The following TEX11 variants were observed in gnomAD, a reference collection of about 807,000 sequenced individuals.
The protein encoded by TEX11 is testis expressed 11, also known as testis-expressed protein 11.
TEX11 carries 7 observed loss-of-function variants against 84.4 expected under a neutral mutation model. The ratio of observed to expected loss-of-function variants is 0.08; its 90% CI spans 0.05 to 0.16. TEX11 has a LOEUF of 0.16. Ranked by LOEUF, TEX11 falls within the 10% of genes least tolerant of loss-of-function variation. The pLI is 1.00. For synonymous variants in TEX11, 264 were observed against 222.8 expected (o/e 1.18, Z -1.64); for missense variants, 551 against 660.5 (o/e 0.83, Z 1.82).
chrX:70,593,091 A>ACACACG lies in TEX11; in HGVS notation c.2068-1274_2068-1269dup, dbSNP rs1389586508. Among the ~76,000 whole-genome samples, 7 of 104,263 alleles carry ACACACG rather than the reference A, an allele frequency of 6.7e-5. No homozygotes were observed. In the East Asian group the frequency reaches 9.2e-4, roughly 14 times the overall value. 90.5% of individuals were successfully genotyped at this position (104,263 alleles called of 115,157 possible). The stretch of plus-strand genomic sequence containing the variant: ...CACACACACACACACACACACACAC[A>ACACACG]CACACGCACACGCACACACACAGTA... On this transcript the variant is annotated intron_variant, in intron 24 of 29. Transcript: ENST00000374333.
At chrX:70,674,636 CT>C (rs2090053993) in intron 15 of TEX11, among the ~76,000 whole-genome samples, 1 of 111,529 alleles carries the variant, frequency 9.0e-6, no homozygotes, top group Non-Finnish European at 1.9e-5. Context: ...TTAGAACAAT[CT>C]TGTCTCTCTA....
intron 25 of TEX11, among the ~76,000 whole-genome samples, chrX:70,586,244 C>T (rs1468612305): frequency 3.6e-5 from 4 of 112,130 alleles, no homozygotes; most frequent in Non-Finnish European, 7.5e-5. Flanking sequence ...AGGAATAAAT[C>T]TTCATGACTT....
chrX:70,683,951 T>C (rs929592087), intron 13 of TEX11, among the ~76,000 whole-genome samples: 6 of 112,080 alleles, frequency 5.4e-5, no homozygotes, highest in Admixed American at 9.4e-5. Flanking sequence ...CAGCAAATGG[T>C]GATAGGACAG....
intron 13 of TEX11, among the ~76,000 whole-genome samples, chrX:70,690,586 G>A (rs2090225965): frequency 9.0e-6 from 1 of 110,711 alleles, no homozygotes; most frequent in African/African-American, 3.3e-5. Context: ...TGTGCCTAGG[G>A]TCCTGGCTAC....
At chrX:70,740,669 T>G (rs1452832325) in intron 11 of TEX11, 32 bp downstream of exon 11, 2 of 1,012,860 alleles carry the variant, frequency 2.0e-6, no homozygotes, top group African/African-American at 3.8e-5. Flanking sequence ...AAAAATACAT[T>G]AAGTTAGTAT....
intron 2 of TEX11, among the ~76,000 whole-genome samples, chrX:70,885,507 C>T (rs187446487): frequency 2.7e-5 from 3 of 111,433 alleles, no homozygotes; most frequent in Non-Finnish European, 5.7e-5. Flanking sequence ...GAAAAAATCT[C>T]AACATCACTA....
intron 2 of TEX11, among the ~76,000 whole-genome samples, chrX:70,901,323 C>A (rs5980731): frequency 9.0e-6 from 1 of 110,776 alleles, no homozygotes; most frequent in African/African-American, 3.3e-5. Flanking sequence ...AGAGAAAAAT[C>A]ATCAGTCCTA....
intron 9 of TEX11, among the ~76,000 whole-genome samples, chrX:70,784,724 C>A (rs1270804230): frequency 1.8e-5 from 2 of 111,585 alleles, no homozygotes; most frequent in Admixed American, 9.6e-5. Context: ...CTCCCATTCA[C>A]AATTGCTGCA....
chrX:70,775,798 T>G (rs868580503), intron 9 of TEX11, among the ~76,000 whole-genome samples: 4 of 10,329 alleles, frequency 3.9e-4, no homozygotes, highest in African/African-American at 1.4e-3. Flanking sequence ...AGACTCCGTC[T>G]CAAAAAAAAA....
intron 9 of TEX11, among the ~76,000 whole-genome samples, chrX:70,803,992 G>GTT (rs111405891): frequency 2.9e-5 from 3 of 104,336 alleles, no homozygotes; most frequent in Non-Finnish European, 4.0e-5. Flanking sequence ...AAAAAACAAT[G>GTT]TTTTTTTTTT....
intron 23 of TEX11, among the ~76,000 whole-genome samples, 178 bp downstream of exon 23, chrX:70,606,781 A>T (rs2089199665): frequency 9.0e-6 from 1 of 111,599 alleles, no homozygotes; most frequent in Admixed American, 9.6e-5. Context: ...TATGCCCCAC[A>T]TTCTTATGTT....
At chrX:70,653,729 A>T (rs1225368555) in intron 16 of TEX11, among the ~76,000 whole-genome samples, 1 of 111,808 alleles carries the variant, frequency 8.9e-6, no homozygotes, top group African/African-American at 3.3e-5. Context: ...TCTACACAAA[A>T]ATCTACATAA....
In TEX11 at chrX:70,650,720, G is replaced by A. The variant is rs1256487745; in HGVS notation, c.1483+730C>T. Among the ~76,000 whole-genome samples the A allele has an allele frequency of 3.6e-5, 4 of 111,709 alleles. No individual in the cohort carries two copies. In the East Asian group the frequency reaches 8.4e-4, roughly 23 times the overall value. On this transcript the variant is annotated intron_variant, in intron 17 of 29. Transcript: ENST00000374333. ...CAAAAACAGTTGCTTAATTGGATTC[G>A]TATACATTTTGTTTGGATCCATTAA... is the stretch of plus-strand genomic sequence containing the variant.
intron 9 of TEX11, among the ~76,000 whole-genome samples, chrX:70,750,933 A>AAAAAAAATATAT (rs1390175136): frequency 7.1e-5 from 2 of 28,198 alleles, no homozygotes; most frequent in African/African-American, 1.2e-4. Context: ...AAAAAAAAAA[A>AAAAAAAATATAT]ATATATATAT....
intron 9 of TEX11, among the ~76,000 whole-genome samples, chrX:70,792,361 C>T (rs6525422): frequency 0.17 from 1,401 of 8,332 alleles, 69 homozygotes; most frequent in East Asian, 0.3. Context: ...TATATATACA[C>T]ACACAAATAT....
At chrX:70,579,189 G>C (rs750620134) in intron 25 of TEX11, among the ~76,000 whole-genome samples, 2 of 110,364 alleles carry the variant, frequency 1.8e-5, no homozygotes, top group East Asian at 5.7e-4. Context: ...AATAATTCTT[G>C]TTTAAATCAA....
chrX:70,632,144 T>C (rs754835108), intron 17 of TEX11, among the ~76,000 whole-genome samples: 1 of 104,842 alleles, frequency 9.5e-6, no homozygotes, highest in Admixed American at 1.0e-4. Flanking sequence ...AATGAAAACA[T>C]GACATATCAA....
chrX:70,738,943 C>G (rs1175054059), intron 11 of TEX11, among the ~76,000 whole-genome samples: 2 of 109,810 alleles, frequency 1.8e-5, no homozygotes, highest in Non-Finnish European at 3.8e-5. Context: ...CACACTAGGG[C>G]CTGTTAGGGG....
intron 29 of TEX11, 80 bp downstream of exon 29, chrX:70,529,755 G>T: frequency 2.0e-6 from 2 of 1,004,570 alleles, no homozygotes; most frequent in East Asian, 6.7e-5. Flanking sequence ...GGAGGATGGG[G>T]TTGAGTCCTT....
Sources: allele counts gnomAD v4.1 joint callset (sites outside exome capture counted in the v4.1 genomes callset), GRCh38; gene constraint gnomAD v4.1.1; transcripts MANE v1.5; gene names NCBI Gene and HGNC (gene_info 2026-07-23, HGNC 2026-07-21).